Variants in SORCS1 observed in about 807,000 individuals in gnomAD.
The protein encoded by SORCS1 is VPS10 domain-containing receptor SorCS1.
A neutral mutation model predicts 146.1 loss-of-function variants in SORCS1; 60 were observed. The observed-to-expected ratio is 0.41, with a 90% CI of 0.33 to 0.51. SORCS1 has a LOEUF of 0.51. SORCS1 is among the 20% of genes least tolerant of loss of function. The pLI, the probability that SORCS1 is intolerant of heterozygous loss-of-function variation, is 0.21. For synonymous variants in SORCS1, 637 were observed against 584.0 expected (o/e 1.09, Z -1.31); for missense variants, 1,352 against 1,487.6 (o/e 0.91, Z 1.50).
At chr10:106,648,852 C>A (rs1204417984) in intron 18 of SORCS1, among the ~76,000 whole-genome samples, 2 of 151,966 alleles carry the variant, frequency 1.3e-5, no homozygotes, top group Non-Finnish European at 2.9e-5. Flanking sequence ...CTAGCCTGCC[C>A]TGCCCCCATC....
intron 23 of SORCS1, among the ~76,000 whole-genome samples, chr10:106,603,905 G>A (rs1846402755): frequency 6.6e-6 from 1 of 152,108 alleles, no homozygotes; most frequent in South Asian, 2.1e-4. Flanking sequence ...GGTATAAAAC[G>A]TCTCAGTTGT....
intron 3 of SORCS1, among the ~76,000 whole-genome samples, chr10:106,782,014 C>G (rs549322578): frequency 2.3e-4 from 35 of 152,134 alleles, no homozygotes; most frequent in Non-Finnish European, 3.7e-4. Flanking sequence ...TTCCTAAATC[C>G]CATCCTTCCA....
chr10:106,763,431 C>G (rs1252806942), intron 4 of SORCS1, among the ~76,000 whole-genome samples: 2 of 152,072 alleles, frequency 1.3e-5, no homozygotes, highest in Non-Finnish European at 2.9e-5. Flanking sequence ...ATATAGAGGC[C>G]CCTCAAGTGG....
chr10:106,667,422 G>C (rs933549627), intron 17 of SORCS1: 3 of 369,048 alleles, frequency 8.1e-6, no homozygotes, highest in African/African-American at 4.0e-5. Context: ...AAAGTGTCGA[G>C]AAAATGAAGA....
chr10:106,844,972 A>C (rs1286878529), intron 2 of SORCS1, among the ~76,000 whole-genome samples: 1 of 145,300 alleles, frequency 6.9e-6, no homozygotes, highest in Non-Finnish European at 1.5e-5. Flanking sequence ...TTCTTAATCC[A>C]GTCTATCATT....
Position 106,677,409 on chromosome 10 carries a change from A to T in SORCS1, c.1741-5T>A. ...ACTGTGCTCTTCTTCAAAGATCTGGATGAGGAAAACACATACATGGACACA... is the reference window on the plus strand; with the variant it reads ...ACTGTGCTCTTCTTCAAAGATCTGGTTGAGGAAAACACATACATGGACACA... On this transcript the variant is annotated splice_region_variant and splice_polypyrimidine_tract_variant and intron_variant, in intron 12 of 25. Transcript: ENST00000263054. 6.2e-7 allele frequency: 1 copy of T among 1,613,652 alleles called. No homozygotes were observed. Among genetic ancestry groups the T allele is most frequent in the Non-Finnish European group, 8.5e-7 (1 of 1,179,602 alleles).
chr10:106,804,581 A>C (rs1241294757), intron 3 of SORCS1, among the ~76,000 whole-genome samples: 2 of 152,082 alleles, frequency 1.3e-5, no homozygotes, highest in African/African-American at 4.8e-5. Context: ...CATATATACA[A>C]TTCATAAAAT....
intron 1 of SORCS1, among the ~76,000 whole-genome samples, chr10:107,117,225 G>A (rs1966095348): frequency 6.6e-6 from 1 of 152,162 alleles, no homozygotes; most frequent in African/African-American, 2.4e-5. Context: ...CAGGAAAACT[G>A]CCAGTTAGAA....
chr10:106,900,349 T>C (rs1411865633), intron 2 of SORCS1, among the ~76,000 whole-genome samples: 6 of 152,132 alleles, frequency 3.9e-5, no homozygotes, highest in African/African-American at 1.4e-4. Context: ...TGCTTTTGAT[T>C]ATACAGTATA....
At position 106,673,638 on chromosome 10, in the gene SORCS1, A is replaced by T. The variant is rs542449645; in HGVS notation, c.1941-653T>A. Among the ~76,000 whole-genome samples the T allele has an allele frequency of 2.6e-5, 4 of 152,320 alleles. No individual in the cohort carries two copies. In the South Asian group the frequency reaches 8.3e-4, roughly 32 times the overall value. Reference sequence around the variant, plus strand: ...AAAACAATCATAAATGCTGTATTCTATGTGGTCCAAGATTAGACTTCTAGG... The same window carrying T: ...AAAACAATCATAAATGCTGTATTCTTTGTGGTCCAAGATTAGACTTCTAGG... On this transcript the variant is annotated intron_variant, in intron 14 of 25. Coordinates refer to ENST00000263054, the MANE Select transcript of SORCS1 (RefSeq NM_052918.5).
chr10:106,777,245 G>T (rs1355765343), intron 3 of SORCS1, among the ~76,000 whole-genome samples: 1 of 152,064 alleles, frequency 6.6e-6, no homozygotes, highest in Non-Finnish European at 1.5e-5. Flanking sequence ...ATTTCACAAA[G>T]GCTATTTTAC....
At chr10:106,628,828 A>G (rs1848256688) in intron 19 of SORCS1, among the ~76,000 whole-genome samples, 2 of 152,230 alleles carry the variant, frequency 1.3e-5, no homozygotes. Context: ...CATTAGATTG[A>G]GTGGTGCATG....
At chr10:106,719,902 T>C (rs1395710586) in intron 6 of SORCS1, among the ~76,000 whole-genome samples, 1 of 152,244 alleles carries the variant, frequency 6.6e-6, no homozygotes, top group Non-Finnish European at 1.5e-5. Flanking sequence ...TCAGCCATGC[T>C]AAGCATCCTC....
At chr10:107,027,035 A>T (rs200057179) in intron 1 of SORCS1, among the ~76,000 whole-genome samples, 11,371 of 63,788 alleles carry the variant, frequency 0.18, 1,128 homozygotes, top group African/African-American at 0.48. Flanking sequence ...TATATATATA[A>T]AAATATATAT....
At chr10:106,981,319 A>T (rs12261291) in intron 1 of SORCS1, among the ~76,000 whole-genome samples, 7,461 of 152,220 alleles carry the variant, frequency 0.049, 556 homozygotes, top group African/African-American at 0.16. Flanking sequence ...TTTCTTTGGG[A>T]GAGTAATTAA....
At chr10:107,158,436 T>C (rs1397453385) in intron 1 of SORCS1, among the ~76,000 whole-genome samples, 1 of 152,242 alleles carries the variant, frequency 6.6e-6, no homozygotes, top group Non-Finnish European at 1.5e-5. Context: ...AAAAATATCC[T>C]TGTAATAATC....
intron 3 of SORCS1, among the ~76,000 whole-genome samples, chr10:106,798,733 T>G (rs1241038701): frequency 6.6e-6 from 1 of 152,206 alleles, no homozygotes; most frequent in Non-Finnish European, 1.5e-5. Context: ...TTGTGAATAG[T>G]GCCGCAATAA....
chr10:106,772,732 A>G (rs1170531242), intron 4 of SORCS1, among the ~76,000 whole-genome samples: 2 of 152,166 alleles, frequency 1.3e-5, no homozygotes, highest in Non-Finnish European at 2.9e-5. Flanking sequence ...GTAAAATTCT[A>G]TCTTGGACCA....
chr10:107,180,691 T>C, the SORCS1 span, among the ~76,000 whole-genome samples: 3 of 152,210 alleles, frequency 2.0e-5, no homozygotes, highest in South Asian at 6.2e-4. Flanking sequence ...TTCTGTTCTG[T>C]TTCTAGGTTC....
Sources: gnomAD v4.1 joint callset for allele counts (sites outside exome capture counted in the v4.1 genomes callset) on GRCh38, gnomAD v4.1.1 for gene constraint, MANE v1.5 for transcripts, NCBI Gene and HGNC (gene_info 2026-07-23, HGNC 2026-07-21) for gene names.